Variants in PSG11 observed in about 807,000 individuals in gnomAD.
The protein encoded by PSG11 is pregnancy specific beta-1-glycoprotein 11, also known as pregnancy-specific beta-1-glycoprotein 11.
PSG11 carries 42 observed loss-of-function variants against 36.0 expected under a neutral mutation model. The ratio of observed to expected loss-of-function variants is 1.17; its 90% confidence interval spans 0.91 to 1.51. The LOEUF is 1.51. Ranked by LOEUF, PSG11 falls within the 40% of genes most tolerant of loss-of-function variation. The probability of loss-of-function intolerance (pLI) is 0.00; values close to 1 mark genes in which losing one functional copy is unlikely to be tolerated. For missense variants in PSG11, 558 were observed against 403.5 expected, an observed-to-expected ratio of 1.38 and a Z score of -3.28; for synonymous variants, 206 against 153.5, an observed-to-expected ratio of 1.34 and a Z score of -2.53.
chr19:43,022,159 A>T (rs762358676), intron 2 of PSG11, among the ~76,000 whole-genome samples: 35 of 151,606 alleles, frequency 2.3e-4, no homozygotes, highest in Non-Finnish European at 3.4e-4. Context: ...GCTAAAATGT[A>T]TGCACAGTTT....
chr19:43,008,125 G>C (rs1973976330), intron 5 of PSG11, 83 bp from the exon 6 acceptor site: 1 of 316,342 alleles, frequency 3.2e-6, no homozygotes, highest in East Asian at 4.6e-5. Context: ...GAATGACAAA[G>C]ATTTAAAATG....
chr19:43,017,048 T>A (rs544129647), intron 3 of PSG11, among the ~76,000 whole-genome samples: 1 of 151,392 alleles, frequency 6.6e-6, no homozygotes, highest in African/African-American at 2.4e-5. Flanking sequence ...GTAAATGGAT[T>A]CCAGAGTGAA....
intron 4 of PSG11, 77 bp from the exon 5 acceptor site, chr19:43,010,118 A>G: frequency 6.5e-7 from 1 of 1,545,958 alleles, no homozygotes; most frequent in South Asian, 1.2e-5. Flanking sequence ...ACAAGCATGT[A>G]ACATGAGATA....
chr19:43,026,217 T>G lies in PSG11; in HGVS notation c.64+92A>C. On this transcript the variant is annotated intron_variant, in intron 1 of 5. Coordinates refer to ENST00000320078, the MANE Select transcript of PSG11 (RefSeq NM_002785.3). ...CAGCCTCCCTAAATGCTGGCTTTTTTATTTTTTAGAACCCCAGGAGCCTCT... is the reference window on the plus strand; with the variant it reads ...CAGCCTCCCTAAATGCTGGCTTTTTGATTTTTTAGAACCCCAGGAGCCTCT... 6 of 1,568,592 alleles carry G rather than the reference T, an allele frequency of 3.8e-6. No individual in the cohort carries two copies. The South Asian group carries it at 6.7e-5, about 18-fold the overall frequency.
At chr19:43,014,503 G>A (rs1320469054) in intron 4 of PSG11, 4 of 976,414 alleles carry the variant, frequency 4.1e-6, no homozygotes, top group African/African-American at 1.8e-5. Context: ...AGCCTGGCCC[G>A]GGGGAGGCTT....
At chr19:43,024,575 C>A (rs1435714296) in intron 2 of PSG11, 116 bp downstream of exon 2, 24 of 1,569,246 alleles carry the variant, frequency 1.5e-5, no homozygotes, top group Non-Finnish European at 2.1e-5. Flanking sequence ...CAAACCCCAG[C>A]ATGGGACATA....
At chr19:43,016,618 A>G (rs1966973422) in intron 3 of PSG11, among the ~76,000 whole-genome samples, 1 of 151,506 alleles carries the variant, frequency 6.6e-6, no homozygotes. Flanking sequence ...GTCATCAGGC[A>G]GTGGAGGCAG....
At chr19:43,021,241 A>G (rs1445473981) in intron 2 of PSG11, among the ~76,000 whole-genome samples, 1 of 151,356 alleles carries the variant, frequency 6.6e-6, no homozygotes, top group African/African-American at 2.4e-5. Flanking sequence ...CTCTTTTTGG[A>G]CTTTCCTGTT....
chr19:43,023,242 C>A (rs1005299212), intron 2 of PSG11, among the ~76,000 whole-genome samples: 1 of 150,310 alleles, frequency 6.7e-6, no homozygotes, highest in East Asian at 2.0e-4. Context: ...GCTAGAACCT[C>A]CTAGGATTCT....
chr19:43,014,411 A>T (rs1966903354), intron 4 of PSG11: 1 of 947,504 alleles, frequency 1.1e-6, no homozygotes, highest in Non-Finnish European at 1.3e-6. Flanking sequence ...CTGTGCCCAC[A>T]GCCTCATACA....
At chr19:43,025,936 CTTTTTT>C (rs1195259262) in intron 1 of PSG11, among the ~76,000 whole-genome samples, 836 of 67,998 alleles carry the variant, frequency 0.012, 1 homozygote, top group East Asian at 0.083. Context: ...TTTTTTTTCT[CTTTTTT>C]TTTTTTTTTT....
In PSG11 at chr19:43,023,901, A is replaced by G. The variant is rs188278377; in HGVS notation, c.430+790T>C. On this transcript the variant is annotated intron_variant, in intron 2 of 5. Coordinates refer to ENST00000320078, the MANE Select transcript of PSG11 (RefSeq NM_002785.3). Reference sequence around the variant, plus strand: ...TTGGCACAGTGGAGGTGTTCACACAAGCAGCATTTATTATTAATTTGCTTC... The same window carrying G: ...TTGGCACAGTGGAGGTGTTCACACAGGCAGCATTTATTATTAATTTGCTTC... 1.2e-4 allele frequency among the ~76,000 whole-genome samples: 18 copies of G among 151,596 alleles called. 4 individuals carry two copies. In the East Asian group the frequency reaches 3.5e-3, roughly 29 times the overall value.
intron 4 of PSG11, among the ~76,000 whole-genome samples, chr19:43,011,659 G>A (rs1193504285): frequency 6.6e-6 from 1 of 151,270 alleles, no homozygotes; most frequent in Non-Finnish European, 1.5e-5. Flanking sequence ...GGTCACAGCA[G>A]AAGGATTTCT....
At chr19:43,022,429 A>G (rs1194796869) in intron 2 of PSG11, among the ~76,000 whole-genome samples, 1 of 151,126 alleles carries the variant, frequency 6.6e-6, no homozygotes, top group African/African-American at 2.4e-5. Context: ...ATCACCAACA[A>G]TCAGCAGTAC....
chr19:43,025,202 C>G (rs1269479334), intron 1 of PSG11, 146 bp from the exon 2 acceptor site: 1 of 1,344,126 alleles, frequency 7.4e-7, no homozygotes, highest in Non-Finnish European at 1.0e-6. Flanking sequence ...CATACACACA[C>G]AGAAAAGGGG....
rs1974034116 is a variant in PSG11, at chr19:43,010,042, C to A, written c.965-1G>T. ...GCAAAAGTTCCTAATCCTGGAGGAG[C>A]TGTCATGGAAAGAAAAGAAAAGAAG... On this transcript the variant is annotated splice_acceptor_variant, in intron 4 of 5. Transcript: ENST00000320078. LOFTEE classifies it high-confidence loss of function. The A allele has an allele frequency of 3.7e-6, 6 of 1,608,798 alleles. No individual in the cohort carries two copies. Among genetic ancestry groups the A allele is most frequent in the Non-Finnish European group, 5.1e-6 (6 of 1,176,464 alleles).
intron 2 of PSG11, among the ~76,000 whole-genome samples, chr19:43,021,149 A>G (rs1473227744): frequency 6.6e-6 from 1 of 151,460 alleles, no homozygotes; most frequent in Non-Finnish European, 1.5e-5. Flanking sequence ...GTTGTCCCAC[A>G]GCTACAAAAT....
intron 2 of PSG11, chr19:43,024,355 G>C (rs1967182352): frequency 2.4e-6 from 1 of 412,704 alleles, no homozygotes; most frequent in African/African-American, 2.0e-5. Flanking sequence ...GGCCCCTCAG[G>C]TCAAATTCTA....
chr19:43,014,699 G>A (rs1186548069), intron 4 of PSG11: 19 of 1,201,430 alleles, frequency 1.6e-5, no homozygotes, highest in Non-Finnish European at 2.0e-5. Context: ...TCTCATTTGG[G>A]GGAAAAGTGT....
Sources: gnomAD v4.1 joint callset for allele counts (sites outside exome capture counted in the v4.1 genomes callset) on GRCh38, gnomAD v4.1.1 for gene constraint, MANE v1.5 for transcripts, NCBI Gene and HGNC (gene_info 2026-07-23, HGNC 2026-07-21) for gene names.